The following SERTAD2 variants were observed in gnomAD, a reference collection of about 807,000 sequenced individuals.
SERTAD2 encodes the protein SERTA domain-containing protein 2.
SERTAD2 carries 2 observed loss-of-function variants against 15.4 expected under a neutral mutation model. The ratio of observed to expected loss-of-function variants is 0.13; its 90% CI spans 0.05 to 0.41. The LOEUF is 0.41. SERTAD2 is among the 10% of genes least tolerant of loss of function. The pLI, the probability that SERTAD2 is intolerant of heterozygous loss-of-function variation, is 0.99. For synonymous variants in SERTAD2, 180 were observed against 178.0 expected (o/e 1.01, Z -0.09); for missense variants, 333 against 409.7 (o/e 0.81, Z 1.62).
rs2104333443 is a variant in SERTAD2 at position 64,632,445 on chromosome 2, G to A, written c.*3482C>T. On this transcript the variant is annotated 3_prime_UTR_variant, in exon 2 of 2. Coordinates refer to ENST00000313349, the MANE Select transcript of SERTAD2 (RefSeq NM_014755.3). ...CAGCTGGGGCACTCCAAGGGGCTATGGCGATAAAAAGCTCAATTGGTAAAG... is the reference window on the plus strand; with the variant it reads ...CAGCTGGGGCACTCCAAGGGGCTATAGCGATAAAAAGCTCAATTGGTAAAG... The A allele has an allele frequency of 6.5e-6, 1 of 152,690 alleles. No individual in the cohort carries two copies. The highest frequency in any genetic ancestry group is 2.1e-4 in the South Asian group (1 of 4,828). The allele number at this position is 152,690 out of a possible 1,614,324, so 9.5% of individuals were successfully genotyped here.
rs373945219 is a variant in SERTAD2 at position 64,636,074 on chromosome 2, C to A, written c.798G>T (p.Gly266=). ...ACACAGGGGCCATTTTTGAGGCTGT[C>A]CCTGATGAGGAAGTGCAGGGGTCAA... ...YDFDPCTSSS[G]TASKMAPVSA... Residue 266 remains glycine (G), a synonymous_variant, in exon 2 of 2, where the codon GGG becomes GGT. Transcript: ENST00000313349. 6.2e-7 allele frequency: 1 copy of A among 1,613,900 alleles called. No homozygotes were observed. The highest frequency in any genetic ancestry group is 8.5e-7 in the Non-Finnish European group (1 of 1,180,026).
At chr2:64,639,392 T>G (rs1273189182) in intron 1 of SERTAD2, among the ~76,000 whole-genome samples, 1 of 152,278 alleles carries the variant, frequency 6.6e-6, no homozygotes, top group Non-Finnish European at 1.5e-5. Context: ...TTATGATAAT[T>G]ATTTTTATTG....
intron 1 of SERTAD2, among the ~76,000 whole-genome samples, chr2:64,642,248 C>A (rs1674792747): frequency 6.6e-6 from 1 of 152,192 alleles, no homozygotes; most frequent in Non-Finnish European, 1.5e-5. Context: ...GGGTCTCAAA[C>A]TGATGTGTCA....
chr2:64,635,987 C>T lies in SERTAD2; in HGVS notation c.885G>A (p.Gln295=). ...GCTCTGTGAGGTCCATTTTGAAAGGCTGACTTGGGGTGACAGGCTGACTGC... is the reference window on the plus strand; with the variant it reads ...GCTCTGTGAGGTCCATTTTGAAAGGTTGACTTGGGGTGACAGGCTGACTGC... ...PYSSQPVTPS[Q]PFKMDLTELD... The change falls in exon 2 of 2, where the codon CAG becomes CAA. Residue 295 remains glutamine (Q), a synonymous_variant. Transcript: ENST00000313349. 5.0e-6 allele frequency: 8 copies of T among 1,614,120 alleles called. No homozygotes were observed. The highest frequency in any genetic ancestry group is 1.6e-4 in the Middle Eastern group (1 of 6,062).
At chr2:64,645,409 G>A (rs1393312429) in intron 1 of SERTAD2, among the ~76,000 whole-genome samples, 1 of 151,772 alleles carries the variant, frequency 6.6e-6, no homozygotes, top group Non-Finnish European at 1.5e-5. Context: ...AAAGCCTGAC[G>A]ATACACTGAA....
rs367775433 is a variant in SERTAD2, at chr2:64,649,652, AAGAT to A, written c.-5+3964_-5+3967del. 2.0e-4 allele frequency among the ~76,000 whole-genome samples: 30 copies of A among 152,352 alleles called. 1 individual carries two copies. In the South Asian group the frequency reaches 6.2e-3, roughly 32 times the overall value. ...TACAGGTTTTTGTAAAGTGACAAAA[AAGAT>A]AGTAAGGCAGACATGAATGAGTTTT... On this transcript the variant is annotated intron_variant, in intron 1 of 1. Transcript: ENST00000313349.
chr2:64,632,179 T>C lies in SERTAD2; in HGVS notation c.*3748A>G, dbSNP rs1674546995. On this transcript the variant is annotated 3_prime_UTR_variant, in exon 2 of 2. Coordinates refer to ENST00000313349, the MANE Select transcript of SERTAD2 (RefSeq NM_014755.3). ...AGAAAATGTATAAAGGTCCAATTTGTAACAGCAAGGTTTTCAAATTAAGAC... is the reference window on the plus strand; with the variant it reads ...AGAAAATGTATAAAGGTCCAATTTGCAACAGCAAGGTTTTCAAATTAAGAC... The C allele has an allele frequency of 1.3e-5, 2 of 152,348 alleles. No homozygotes were observed. Among genetic ancestry groups the C allele is most frequent in the South Asian group, 2.1e-4 (1 of 4,806 alleles). 9.4% of individuals were successfully genotyped at this position (152,348 alleles called of 1,614,324 possible).
chr2:64,647,122 T>C (rs557458218), intron 1 of SERTAD2, among the ~76,000 whole-genome samples: 1 of 152,316 alleles, frequency 6.6e-6, no homozygotes, highest in East Asian at 1.9e-4. Flanking sequence ...CTTAGGGAGA[T>C]GATGAAGCGA....
intron 1 of SERTAD2, among the ~76,000 whole-genome samples, chr2:64,650,221 A>G (rs1674980550): frequency 6.6e-6 from 1 of 152,200 alleles, no homozygotes; most frequent in African/African-American, 2.4e-5. Flanking sequence ...TGCTTGTTCA[A>G]ACTGGCAGTA....
chr2:64,645,424 G>C (rs1172849616), intron 1 of SERTAD2, among the ~76,000 whole-genome samples: 2 of 151,822 alleles, frequency 1.3e-5, no homozygotes, highest in African/African-American at 4.8e-5. Context: ...ACTGAAATTC[G>C]AACAGGAAGT....
chr2:64,653,204 G>C (rs1404835312), intron 1 of SERTAD2, among the ~76,000 whole-genome samples: 1 of 152,160 alleles, frequency 6.6e-6, no homozygotes, highest in Non-Finnish European at 1.5e-5. Flanking sequence ...GAACTCAAAA[G>C]TGAAGCAGCC....
intron 1 of SERTAD2, among the ~76,000 whole-genome samples, chr2:64,647,024 G>C (rs994076928): frequency 1.3e-5 from 2 of 152,182 alleles, no homozygotes; most frequent in African/African-American, 2.4e-5. Context: ...ATACTGAACA[G>C]ATACTGCTTC....
chr2:64,652,139 G>A (rs1304872936), intron 1 of SERTAD2, among the ~76,000 whole-genome samples: 2 of 152,072 alleles, frequency 1.3e-5, no homozygotes, highest in East Asian at 1.9e-4. Flanking sequence ...AAAAAACCCT[G>A]AAAAAATAAA....
At chr2:64,646,604 T>G (rs1674907756) in intron 1 of SERTAD2, 1 of 152,198 alleles carries the variant, frequency 6.6e-6, no homozygotes, top group Non-Finnish European at 1.5e-5. Context: ...TATACACATT[T>G]TCAAGATTGT....
chr2:64,648,811 T>TTA (rs1198878375), intron 1 of SERTAD2, among the ~76,000 whole-genome samples: 24 of 152,144 alleles, frequency 1.6e-4, no homozygotes, highest in Admixed American at 2.0e-4. Context: ...GAAACGTATT[T>TTA]TATTTTATAT....
Position 64,636,028 on chromosome 2 carries a change from T to G in SERTAD2, c.844A>C (p.Thr282Pro), listed in dbSNP as rs1674648455. 6.2e-7 allele frequency: 1 copy of G among 1,613,412 alleles called. No individual in the cohort carries two copies. Among genetic ancestry groups the G allele is most frequent in the Admixed American group, 1.7e-5 (1 of 59,946 alleles). The change falls in exon 2 of 2, where the codon ACT (threonine) becomes CCT (proline). Residue 282 changes from threonine to proline, a missense_variant. Around this residue, in one of 2 missense-constraint regions of SERTAD2, gnomAD observed 332 missense variants for 392.9 expected, o/e 0.84. Coordinates refer to ENST00000313349, the MANE Select transcript of SERTAD2 (RefSeq NM_014755.3). ...APVSADDLLK[T>P]LAPYSSQPVT... ...GGCTGACTGCTGTAAGGAGCCAGAG[T>G]TTTGAGGAGGTCGTCGGCAGACACA... is the stretch of plus-strand genomic sequence containing the variant.
At position 64,638,802 on chromosome 2, in the gene SERTAD2, T is replaced by C. The variant is rs1008671603; in HGVS notation, c.-4-1927A>G. Among the ~76,000 whole-genome samples, 6 of 152,390 alleles carry C rather than the reference T, an allele frequency of 3.9e-5. No homozygotes were observed. In the Middle Eastern group the frequency reaches 0.01, roughly 259 times the overall value. The stretch of plus-strand genomic sequence containing the variant: ...TTGGTTTGTCTAATACTTCAAGTGA[T>C]AGACATATTTCCTACTGTTTAGTGC... On this transcript the variant is annotated intron_variant, in intron 1 of 1. Transcript: ENST00000313349.
At chr2:64,642,646 T>C (rs1043527892) in intron 1 of SERTAD2, among the ~76,000 whole-genome samples, 1 of 152,170 alleles carries the variant, frequency 6.6e-6, no homozygotes, top group African/African-American at 2.4e-5. Flanking sequence ...CAAAAACCAC[T>C]GCTTTAACCT....
rs1470415839 is a variant in SERTAD2, at chr2:64,635,153, T to G, written c.*774A>C. 6.5e-6 allele frequency: 1 copy of G among 152,684 alleles called. No individual in the cohort carries two copies. The highest frequency in any genetic ancestry group is 1.5e-5 in the Non-Finnish European group (1 of 68,060). The allele number at this position is 152,684 out of a possible 1,614,324, so 9.5% of individuals were successfully genotyped here. Reference sequence around the variant, plus strand: ...GGGTGTGTGCATGTGTGTGCCTGTGTTTGCATTTGGGGACATCAACTGCAG... The same window carrying G: ...GGGTGTGTGCATGTGTGTGCCTGTGGTTGCATTTGGGGACATCAACTGCAG... On this transcript the variant is annotated 3_prime_UTR_variant, in exon 2 of 2. Transcript: ENST00000313349.
Sources: gnomAD v4.1 joint callset for allele counts (sites outside exome capture counted in the v4.1 genomes callset) on GRCh38, gnomAD v4.1.1 for gene constraint, gnomAD v4.1.1 regional missense constraint, MANE v1.5 for transcripts, NCBI Gene and HGNC (gene_info 2026-07-23, HGNC 2026-07-21) for gene names.